RBFOX1: variants seen among roughly 807,000 people sequenced by gnomAD.
The protein encoded by RBFOX1 is RNA binding fox-1 homolog 1.
RBFOX1 carries 8 observed loss-of-function variants against 57.7 expected under a neutral mutation model. The observed-to-expected ratio is 0.14, with a 90% CI of 0.08 to 0.25. The LOEUF is 0.25. Among genes scored for constraint, RBFOX1 ranks in the 10% least tolerant of loss-of-function variants. The pLI, the probability that RBFOX1 is intolerant of heterozygous loss-of-function variation, is 1.00. For synonymous variants in RBFOX1, 326 were observed against 222.4 expected (o/e 1.47, Z -4.15); for missense variants, 611 against 548.5 (o/e 1.11, Z -1.14).
intron 3 of RBFOX1, among the ~76,000 whole-genome samples, chr16:5,742,719 C>A (rs369268518): frequency 1.3e-5 from 2 of 152,116 alleles, no homozygotes; most frequent in Non-Finnish European, 1.5e-5. Context: ...TTAAAGAAAG[C>A]GAAGTGAGTG....
intron 4 of RBFOX1, among the ~76,000 whole-genome samples, chr16:7,391,966 C>T (rs981296976): frequency 1.3e-5 from 2 of 152,228 alleles, no homozygotes; most frequent in Admixed American, 6.5e-5. Flanking sequence ...TCACTGATTA[C>T]TTGCTGCCCT....
At chr16:6,240,215 A>C (rs1327965585) in intron 1 of RBFOX1, among the ~76,000 whole-genome samples, 2 of 152,146 alleles carry the variant, frequency 1.3e-5, no homozygotes, top group Non-Finnish European at 2.9e-5. Flanking sequence ...AGCCTGCAGA[A>C]CCTTGAGTTA....
At position 7,479,321 on chromosome 16, in the gene RBFOX1, G is replaced by A. The variant is rs1317416041; in HGVS notation, c.28-38826G>A. On this transcript the variant is annotated intron_variant, in intron 4 of 15. Transcript: ENST00000550418. ...GTATTGTATAGTTTTGTAGAGATGG[G>A]GGTCTCACTTTGTTGCCCAGGCTAG... Among the ~76,000 whole-genome samples the A allele has an allele frequency of 3.9e-5, 6 of 151,922 alleles. No individual in the cohort carries two copies. In the East Asian group the frequency reaches 5.9e-4, roughly 15 times the overall value.
At chr16:7,513,901 C>T (rs2075771615) in intron 4 of RBFOX1, among the ~76,000 whole-genome samples, 1 of 152,124 alleles carries the variant, frequency 6.6e-6, no homozygotes, top group African/African-American at 2.4e-5. Flanking sequence ...AGATTCTGAC[C>T]CACTGTTTTT....
chr16:6,854,506 T>C (rs1380647806), intron 3 of RBFOX1, among the ~76,000 whole-genome samples: 1 of 151,962 alleles, frequency 6.6e-6, no homozygotes, highest in East Asian at 1.9e-4. Context: ...GTTGGGACTT[T>C]CTCTCAGGTT....
intron 1 of RBFOX1, among the ~76,000 whole-genome samples, chr16:5,456,879 C>T (rs2068646504): frequency 6.6e-6 from 1 of 152,242 alleles, no homozygotes. Context: ...CACTTCTCTT[C>T]TCCAGCCATT....
chr16:5,999,886 A>T (rs1316563181), intron 4 of RBFOX1, among the ~76,000 whole-genome samples: 2 of 76,318 alleles, frequency 2.6e-5, no homozygotes, highest in East Asian at 3.3e-4. Context: ...AAAAAAAAAA[A>T]AAAAAAAAAA....
chr16:5,714,694 A>T (rs2051622061), intron 3 of RBFOX1, among the ~76,000 whole-genome samples: 1 of 152,204 alleles, frequency 6.6e-6, no homozygotes, highest in Non-Finnish European at 1.5e-5. Context: ...GTTTGTGGGT[A>T]AGGAAATAAC....
chr16:6,168,215 A>G (rs535930766), intron 1 of RBFOX1, among the ~76,000 whole-genome samples: 11 of 152,292 alleles, frequency 7.2e-5, no homozygotes, highest in African/African-American at 2.4e-4. Context: ...TAATGCTCAT[A>G]ATCTATTAGT....
intron 4 of RBFOX1, among the ~76,000 whole-genome samples, chr16:7,054,821 C>A (rs1013713679): frequency 6.6e-6 from 1 of 152,096 alleles, no homozygotes; most frequent in Non-Finnish European, 1.5e-5. Flanking sequence ...GAGGGTCCTT[C>A]ATTAGTGCAT....
chr16:5,976,113 C>T (rs945563378), intron 4 of RBFOX1, among the ~76,000 whole-genome samples: 16 of 151,740 alleles, frequency 1.1e-4, no homozygotes, highest in Non-Finnish European at 2.1e-4. Flanking sequence ...AGACTGCACT[C>T]TAGACTGGGC....
At position 6,786,238 on chromosome 16, in the gene RBFOX1, C is replaced by A. The variant is rs139297460; in HGVS notation, c.-16+131588C>A. ...TGTCAGAAGAGGGTCAGAACTGGAC[C>A]CTCACAAGTATGGGCCTGGCCAGGA... On this transcript the variant is annotated intron_variant, in intron 3 of 15. Coordinates refer to ENST00000550418, the MANE Select transcript of RBFOX1 (RefSeq NM_018723.4). Among the ~76,000 whole-genome samples the A allele has an allele frequency of 4.3e-3, 660 of 152,216 alleles. 4 individuals are homozygous for A. The highest frequency in any genetic ancestry group is 0.015 in the African/African-American group (641 of 41,522).
chr16:5,991,326 C>A (rs1030611477), intron 4 of RBFOX1, among the ~76,000 whole-genome samples: 4 of 152,182 alleles, frequency 2.6e-5, no homozygotes, highest in African/African-American at 9.7e-5. Flanking sequence ...TGCACCCCTT[C>A]CCTTCCTTTC....
At chr16:6,979,749 T>G (rs868336912) in intron 3 of RBFOX1, among the ~76,000 whole-genome samples, 1 of 152,228 alleles carries the variant, frequency 6.6e-6, no homozygotes, top group Non-Finnish European at 1.5e-5. Context: ...AAACAGTGGA[T>G]GAAGATTTTC....
chr16:7,268,508 C>T (rs924888718), intron 4 of RBFOX1, among the ~76,000 whole-genome samples: 5 of 152,220 alleles, frequency 3.3e-5, no homozygotes, highest in African/African-American at 7.2e-5. Context: ...AGATGCTCTG[C>T]GGTAATATGT....
At chr16:6,955,946 T>C (rs1301980368) in intron 3 of RBFOX1, among the ~76,000 whole-genome samples, 1 of 150,380 alleles carries the variant, frequency 6.6e-6, no homozygotes, top group Admixed American at 6.6e-5. Context: ...CCGCAGGTGA[T>C]CCAACCACCT....
intron 2 of RBFOX1, among the ~76,000 whole-genome samples, chr16:6,567,801 C>A (rs1038021446): frequency 1.3e-5 from 2 of 152,052 alleles, no homozygotes; most frequent in East Asian, 3.9e-4. Flanking sequence ...TATGGACAAA[C>A]CCCACTATTT....
intron 2 of RBFOX1, among the ~76,000 whole-genome samples, chr16:6,572,394 T>C (rs1386682602): frequency 6.6e-6 from 1 of 152,200 alleles, no homozygotes; most frequent in Non-Finnish European, 1.5e-5. Flanking sequence ...TAAATCTACT[T>C]ACAGGATCAA....
chr16:6,490,698 A>G (rs1408291844), intron 2 of RBFOX1, among the ~76,000 whole-genome samples: 1 of 152,196 alleles, frequency 6.6e-6, no homozygotes, highest in Non-Finnish European at 1.5e-5. Context: ...GTCATGGAGC[A>G]ATATTAAAGT....
Sources: allele counts gnomAD v4.1 joint callset (sites outside exome capture counted in the v4.1 genomes callset), GRCh38; gene constraint gnomAD v4.1.1; transcripts MANE v1.5; gene names NCBI Gene and HGNC (gene_info 2026-07-23, HGNC 2026-07-21).